Variants in NRG4 observed in about 807,000 individuals in gnomAD.
NRG4 encodes neuregulin 4.
Under a neutral mutation model 15.0 loss-of-function variants are expected in NRG4, and 10 were observed. The ratio of observed to expected loss-of-function variants is 0.67; its 90% CI spans 0.41 to 1.13. The LOEUF (loss-of-function observed/expected upper bound fraction) is 1.13. Among genes scored for constraint, NRG4 ranks in the 50% most tolerant of loss-of-function variants. The pLI is 0.00. For synonymous variants in NRG4, 41 were observed against 50.1 expected, an observed-to-expected ratio of 0.82 and a Z score of 0.77; for missense variants, 139 against 140.2, an observed-to-expected ratio of 0.99 and a Z score of 0.04.
intron 3 of NRG4, among the ~76,000 whole-genome samples, chr15:75,994,933 G>A (rs1168767390): frequency 6.6e-6 from 1 of 152,132 alleles, no homozygotes; most frequent in African/African-American, 2.4e-5. Context: ...CAGAACTTTG[G>A]GAGGCCAAGG....
chr15:76,014,793 G>A (rs1014718901), upstream of NRG4, among the ~76,000 whole-genome samples: 2 of 152,074 alleles, frequency 1.3e-5, no homozygotes, highest in Non-Finnish European at 2.9e-5. Context: ...CTCCAGCTTT[G>A]TTCCTTTTGG....
At chr15:75,968,050 G>C (rs1362437058) in intron 3 of NRG4, among the ~76,000 whole-genome samples, 5 of 152,198 alleles carry the variant, frequency 3.3e-5, no homozygotes, top group African/African-American at 1.2e-4. Context: ...AGCAACAGTA[G>C]TGTAAAAACA....
chr15:76,057,821 A>T (rs375676146), intron 1 of NRG4, among the ~76,000 whole-genome samples: 2 of 150,298 alleles, frequency 1.3e-5, no homozygotes, highest in South Asian at 2.1e-4. Flanking sequence ...ATAAATACAT[A>T]ATATAAATAT....
chr15:75,981,115 C>A (rs143065839), intron 3 of NRG4, among the ~76,000 whole-genome samples: 8 of 152,310 alleles, frequency 5.3e-5, no homozygotes, highest in Non-Finnish European at 1.0e-4. Context: ...CCCTTTGAAA[C>A]TCAGTGGCCC....
chr15:75,995,174 C>A (rs931237184), intron 3 of NRG4, among the ~76,000 whole-genome samples: 2 of 151,352 alleles, frequency 1.3e-5, no homozygotes, highest in African/African-American at 4.9e-5. Context: ...GGAGTCGTCT[C>A]ACTCCAGAGT....
upstream of NRG4, among the ~76,000 whole-genome samples, chr15:76,012,716 C>T (rs1596023709): frequency 6.6e-6 from 1 of 151,800 alleles, no homozygotes; most frequent in East Asian, 1.9e-4. Context: ...TAATGTGGAG[C>T]TAATAGATAA....
rs1233101243 is a variant in NRG4 at position 75,942,218 on chromosome 15, AATACT to A, written c.*1415_*1419del. 1 of 152,128 alleles carries A rather than the reference AATACT, an allele frequency of 6.6e-6. No homozygotes were observed. The highest frequency in any genetic ancestry group is 1.5e-5 in the Non-Finnish European group (1 of 68,028). 9.4% of individuals were successfully genotyped at this position (152,128 alleles called of 1,614,324 possible). A position where few individuals can be genotyped will look rare whatever the true frequency, so the allele number is the denominator to read the frequency against. ...TTAGGGTGGTGAAACTACTGTATACAATACTATAATAGTGGATACATGACATTATA... is the reference window on the plus strand; with the variant it reads ...TTAGGGTGGTGAAACTACTGTATACAATAATAGTGGATACATGACATTATA... On this transcript the variant is annotated 3_prime_UTR_variant, in exon 6 of 6. Transcript: ENST00000394907.
chr15:76,021,544 C>T (rs938628210), intron 5 of NRG4, among the ~76,000 whole-genome samples: 1 of 152,180 alleles, frequency 6.6e-6, no homozygotes, highest in African/African-American at 2.4e-5. Context: ...CATACACACA[C>T]ACTAAACCAT....
Position 75,944,132 on chromosome 15 carries a change from C to T in NRG4, c.332-478G>A, listed in dbSNP as rs908694824. On this transcript the variant is annotated intron_variant, in intron 5 of 5. Coordinates refer to ENST00000394907, the MANE Select transcript of NRG4 (RefSeq NM_138573.4). ...TGGGACTATTTAGAGACAAAAATTC[C>T]CTCTGTAGCCAGCAAGTCCTGAGAC... Among the ~76,000 whole-genome samples, 3 of 152,090 alleles carry T rather than the reference C, an allele frequency of 2.0e-5. No homozygotes were observed. The East Asian group carries it at 5.8e-4, about 29-fold the overall frequency.
intron 5 of NRG4, among the ~76,000 whole-genome samples, chr15:76,022,660 T>A (rs2035194358): frequency 6.6e-6 from 1 of 152,138 alleles, no homozygotes; most frequent in African/African-American, 2.4e-5. Flanking sequence ...TGTGTATGTT[T>A]GTAGGAGGGC....
At chr15:76,029,360 G>C (rs2035409016) in intron 5 of NRG4, among the ~76,000 whole-genome samples, 1 of 152,098 alleles carries the variant, frequency 6.6e-6, no homozygotes, top group Admixed American at 6.6e-5. Flanking sequence ...AGATGGACTG[G>C]AAGAAGACAA....
At chr15:75,986,265 C>A (rs12906777) in intron 3 of NRG4, among the ~76,000 whole-genome samples, 3,610 of 152,226 alleles carry the variant, frequency 0.024, 60 homozygotes, top group Non-Finnish European at 0.035. Context: ...CATTCCTACC[C>A]AGGACAATTT....
At chr15:76,024,808 A>G (rs1227231437) in intron 5 of NRG4, among the ~76,000 whole-genome samples, 3 of 152,204 alleles carry the variant, frequency 2.0e-5, no homozygotes, top group Non-Finnish European at 4.4e-5. Flanking sequence ...TGGAGACTAT[A>G]CTACATGATA....
chr15:75,992,633 G>A (rs1047664236), intron 3 of NRG4, among the ~76,000 whole-genome samples: 5 of 151,994 alleles, frequency 3.3e-5, no homozygotes, highest in South Asian at 2.1e-4. Context: ...GAAACACCAC[G>A]TCCATGAGCA....
chr15:75,940,034 C>T (rs1049350298), downstream of NRG4: 11 of 151,414 alleles, frequency 7.3e-5, no homozygotes, highest in African/African-American at 2.7e-4. Flanking sequence ...GAAAAGACAT[C>T]TAAGTTGGAA....
At position 75,973,753 on chromosome 15, in the gene NRG4, G is replaced by A. The variant is rs561272989; in HGVS notation, c.105-11779C>T. On this transcript the variant is annotated intron_variant, in intron 3 of 5. Coordinates refer to ENST00000394907, the MANE Select transcript of NRG4 (RefSeq NM_138573.4). ...TGGTGGATAAGCTTTTTGATGTGCT[G>A]CTGGATTCAGTTTGCTAGTATTTTA... Among the ~76,000 whole-genome samples the A allele has an allele frequency of 9.2e-5, 14 of 152,266 alleles. No homozygotes were observed. In the South Asian group the frequency reaches 2.9e-3, roughly 32 times the overall value.
At chr15:75,962,031 G>T in intron 3 of NRG4, 57 bp from the exon 4 acceptor site, 1 of 1,326,868 alleles carries the variant, frequency 7.5e-7, no homozygotes, top group South Asian at 1.4e-5. Flanking sequence ...AGCTAGTTTG[G>T]AAGAAAAACA....
intron 5 of NRG4, among the ~76,000 whole-genome samples, chr15:75,952,291 T>C (rs1024955302): frequency 3.9e-5 from 6 of 152,336 alleles, no homozygotes; most frequent in African/African-American, 1.2e-4. Context: ...TCTGTCTCTA[T>C]AGATTTGCCT....
At chr15:76,056,925 C>T (rs2036165340) in intron 2 of NRG4, 1 of 152,156 alleles carries the variant, frequency 6.6e-6, no homozygotes, top group Non-Finnish European at 1.5e-5. Flanking sequence ...AAAAGGCAGT[C>T]TTTTTAACTA....
Sources: allele counts gnomAD v4.1 joint callset (sites outside exome capture counted in the v4.1 genomes callset), GRCh38; gene constraint gnomAD v4.1.1; transcripts MANE v1.5; gene names NCBI Gene and HGNC (gene_info 2026-07-23, HGNC 2026-07-21).